Variants in RFC3 observed in about 807,000 individuals in gnomAD.
The protein encoded by RFC3 is A1 38 kDa subunit.
Under a neutral mutation model 45.1 loss-of-function variants are expected in RFC3, and 41 were observed. The observed-to-expected ratio is 0.91, with a 90% CI of 0.71 to 1.18. RFC3 has a LOEUF of 1.18. Among genes scored for constraint, RFC3 ranks in the 50% most tolerant of loss-of-function variants. RFC3 has a pLI of 0.00. For missense variants in RFC3, 423 were observed against 428.1 expected (o/e 0.99, Z 0.10); for synonymous variants, 149 against 144.0 (o/e 1.03, Z -0.25).
chr13:33,818,484 G>A (rs930545332), intron 1 of RFC3, among the ~76,000 whole-genome samples: 6 of 152,268 alleles, frequency 3.9e-5, no homozygotes, highest in African/African-American at 1.2e-4. Flanking sequence ...GAGACTTGAA[G>A]GAAATTGAAA....
chr13:33,822,880 G>C (rs2082015908), intron 2 of RFC3, among the ~76,000 whole-genome samples: 1 of 152,068 alleles, frequency 6.6e-6, no homozygotes, highest in African/African-American at 2.4e-5. Flanking sequence ...TGCTATGACA[G>C]AAATTATACA....
At chr13:33,938,207 A>T (rs988195861) in intron 8 of RFC3, among the ~76,000 whole-genome samples, 1 of 148,536 alleles carries the variant, frequency 6.7e-6, no homozygotes, top group Non-Finnish European at 1.5e-5. Flanking sequence ...AAAAAAAAAA[A>T]AGTAAGAGTT....
At chr13:33,958,719 G>A (rs2083037874) in intron 8 of RFC3, among the ~76,000 whole-genome samples, 1 of 152,184 alleles carries the variant, frequency 6.6e-6, no homozygotes, top group Admixed American at 6.5e-5. Flanking sequence ...TGTCAAGTAT[G>A]TTTTTAATCC....
intron 8 of RFC3, among the ~76,000 whole-genome samples, chr13:33,853,747 A>G (rs947181696): frequency 1.3e-5 from 2 of 152,176 alleles, no homozygotes; most frequent in Admixed American, 1.3e-4. Context: ...TAAATGGTGT[A>G]TGGAACCCAA....
chr13:33,861,367 C>T (rs2082339824), intron 8 of RFC3, among the ~76,000 whole-genome samples: 1 of 152,164 alleles, frequency 6.6e-6, no homozygotes. Context: ...GTGGCTCATG[C>T]CTGTAATCCC....
chr13:33,915,379 G>A (rs2082726539), intron 8 of RFC3, among the ~76,000 whole-genome samples: 2 of 152,020 alleles, frequency 1.3e-5, no homozygotes, highest in Non-Finnish European at 2.9e-5. Context: ...CTATATATTT[G>A]TCCTATTAAA....
At chr13:33,860,531 C>T (rs1373802157) in intron 8 of RFC3, among the ~76,000 whole-genome samples, 1 of 152,212 alleles carries the variant, frequency 6.6e-6, no homozygotes, top group East Asian at 1.9e-4. Flanking sequence ...CCCCAGACTT[C>T]TCTTCCTTCT....
At chr13:33,872,792 A>ATC (rs1555235482) in intron 8 of RFC3, among the ~76,000 whole-genome samples, 2 of 97,448 alleles carry the variant, frequency 2.1e-5, no homozygotes, top group Non-Finnish European at 3.9e-5. Flanking sequence ...AAGAAACCAA[A>ATC]CCCCCCCCCC....
chr13:33,880,285 A>T (rs997890782), intron 8 of RFC3, among the ~76,000 whole-genome samples: 3 of 152,230 alleles, frequency 2.0e-5, no homozygotes, highest in African/African-American at 7.2e-5. Flanking sequence ...ATATAGTCAA[A>T]TTTTATGTAA....
downstream of RFC3, among the ~76,000 whole-genome samples, chr13:33,839,342 A>G (rs1011028453): frequency 1.3e-5 from 2 of 152,134 alleles, no homozygotes; most frequent in African/African-American, 2.4e-5. Flanking sequence ...CAAGTCTGCC[A>G]TTTTTATCCA....
intron 8 of RFC3, among the ~76,000 whole-genome samples, chr13:33,854,578 T>A (rs892675110): frequency 3.3e-5 from 5 of 152,190 alleles, no homozygotes; most frequent in Non-Finnish European, 2.9e-5. Flanking sequence ...ATGGGTTTCA[T>A]GTCCCAAGTA....
intron 8 of RFC3, among the ~76,000 whole-genome samples, chr13:33,896,756 T>C (rs141001880): frequency 0.011 from 813 of 76,600 alleles, 4 homozygotes; most frequent in Non-Finnish European, 0.018. Flanking sequence ...AAGTAACATA[T>C]AAAGAGGCTC....
chr13:33,918,710 C>T (rs974146931), intron 8 of RFC3, among the ~76,000 whole-genome samples: 2 of 152,038 alleles, frequency 1.3e-5, no homozygotes, highest in Non-Finnish European at 2.9e-5. Flanking sequence ...AAAAACCGCC[C>T]GACAGGAAGG....
intron 3 of RFC3, among the ~76,000 whole-genome samples, chr13:33,824,378 CTCTT>C (rs1183173425): frequency 4.6e-5 from 7 of 152,110 alleles, no homozygotes; most frequent in African/African-American, 1.2e-4. Context: ...CTTTGTCACT[CTCTT>C]TGTTTAAATT....
chr13:33,856,001 T>C (rs1251440036), intron 8 of RFC3, among the ~76,000 whole-genome samples: 6 of 152,230 alleles, frequency 3.9e-5, no homozygotes. Context: ...TTTTTGCCTT[T>C]GTTGCAATTG....
At chr13:33,905,302 T>A (rs2082665421) in intron 8 of RFC3, among the ~76,000 whole-genome samples, 1 of 152,022 alleles carries the variant, frequency 6.6e-6, no homozygotes, top group South Asian at 2.1e-4. Context: ...ATGTTGCTTT[T>A]CACATTTTAA....
intron 8 of RFC3, among the ~76,000 whole-genome samples, chr13:33,880,385 A>G (rs1186494205): frequency 6.6e-6 from 1 of 152,302 alleles, no homozygotes; most frequent in Admixed American, 6.5e-5. Context: ...CTTAGGTGAC[A>G]CTATGGTGTG....
intron 8 of RFC3, among the ~76,000 whole-genome samples, chr13:33,963,406 G>A (rs2083069299): frequency 6.6e-6 from 1 of 152,320 alleles, no homozygotes; most frequent in East Asian, 1.9e-4. Flanking sequence ...AAACAGGTCT[G>A]TAGGAACAGT....
chr13:33,906,482 T>A (rs1170821674), intron 8 of RFC3, among the ~76,000 whole-genome samples: 1 of 149,986 alleles, frequency 6.7e-6, no homozygotes, highest in Non-Finnish European at 1.5e-5. Flanking sequence ...ATTCTGATCA[T>A]CACTTTCCAT....
Sources: allele counts gnomAD v4.1 joint callset (sites outside exome capture counted in the v4.1 genomes callset), GRCh38; gene constraint gnomAD v4.1.1; transcripts MANE v1.5; gene names NCBI Gene and HGNC (gene_info 2026-07-23, HGNC 2026-07-21).